CSMD1: variants seen among roughly 807,000 people sequenced by gnomAD.
CSMD1 encodes the protein CUB and Sushi multiple domains 1.
Under a neutral mutation model 417.5 loss-of-function variants are expected in CSMD1, and 213 were observed. That is an observed-to-expected ratio of 0.51 (90% CI 0.46 to 0.57). CSMD1 has a LOEUF of 0.57. CSMD1 is among the 20% of genes least tolerant of loss of function. The pLI is 0.00. For synonymous variants in CSMD1, 2,862 were observed against 1,736.8 expected, an observed-to-expected ratio of 1.65 and a Z score of -16.11; for missense variants, 6,923 against 4,529.7, an observed-to-expected ratio of 1.53 and a Z score of -15.17.
At position 4,149,657 on chromosome 8, in the gene CSMD1, G is replaced by C. The variant is rs950387213; in HGVS notation, c.416-117558C>G. Among the ~76,000 whole-genome samples the C allele has an allele frequency of 3.3e-5, 5 of 152,172 alleles. No homozygotes were observed. The South Asian group carries it at 8.3e-4, about 25-fold the overall frequency. On this transcript the variant is annotated intron_variant, in intron 3 of 69. Coordinates refer to ENST00000635120, the MANE Select transcript of CSMD1 (RefSeq NM_033225.6). ...CCTAGCTCAACACCTACAGAATGGA[G>C]GATGCTAAGTGCTACACTGAAGGAA...
At chr8:4,369,780 G>T (rs1161215747) in intron 3 of CSMD1, among the ~76,000 whole-genome samples, 1 of 152,046 alleles carries the variant, frequency 6.6e-6, no homozygotes, top group Non-Finnish European at 1.5e-5. Context: ...TTTTCTGTTT[G>T]CCTGATAGAT....
intron 50 of CSMD1, among the ~76,000 whole-genome samples, chr8:3,047,051 T>C (rs1563276711): frequency 1.3e-5 from 2 of 151,756 alleles, no homozygotes; most frequent in African/African-American, 2.4e-5. Flanking sequence ...CTTCTAAAAA[T>C]ACAAAAATTA....
At chr8:4,923,868 T>C (rs1404285348) in intron 1 of CSMD1, among the ~76,000 whole-genome samples, 1 of 152,182 alleles carries the variant, frequency 6.6e-6, no homozygotes, top group Non-Finnish European at 1.5e-5. Context: ...GCCCACAAAC[T>C]ATAGGCAGTA....
At chr8:3,958,897 G>T (rs143839286) in intron 5 of CSMD1, among the ~76,000 whole-genome samples, 288 of 152,306 alleles carry the variant, frequency 1.9e-3, no homozygotes, top group African/African-American at 6.6e-3. Flanking sequence ...TTCAGTGAAC[G>T]TGACAATTCT....
At chr8:3,972,790 G>A (rs1001310000) in intron 5 of CSMD1, among the ~76,000 whole-genome samples, 5 of 152,124 alleles carry the variant, frequency 3.3e-5, no homozygotes, top group African/African-American at 7.2e-5. Flanking sequence ...CACATTTTAG[G>A]AATCTATTTT....
intron 5 of CSMD1, among the ~76,000 whole-genome samples, chr8:3,883,494 C>T (rs1016023384): frequency 6.6e-6 from 1 of 151,878 alleles, no homozygotes; most frequent in Admixed American, 6.6e-5. Context: ...ACAAATATAC[C>T]TTTTCACTGC....
At chr8:3,205,222 G>A (rs1014973163) in intron 31 of CSMD1, among the ~76,000 whole-genome samples, 6 of 152,158 alleles carry the variant, frequency 3.9e-5, no homozygotes, top group African/African-American at 1.4e-4. Context: ...CCAACTGAAA[G>A]AACTATGTTT....
intron 2 of CSMD1, among the ~76,000 whole-genome samples, chr8:4,485,351 G>C (rs1585151103): frequency 6.6e-6 from 1 of 152,036 alleles, no homozygotes; most frequent in Non-Finnish European, 1.5e-5. Context: ...CTTCATTTTT[G>C]TCTTTCACTT....
At chr8:4,332,811 G>GT (rs1422433420) in intron 3 of CSMD1, among the ~76,000 whole-genome samples, 3 of 152,012 alleles carry the variant, frequency 2.0e-5, no homozygotes, top group Non-Finnish European at 2.9e-5. Context: ...GACAGGAGAA[G>GT]TTTTCAGGGA....
chr8:3,972,312 A>G (rs571475171), intron 5 of CSMD1, among the ~76,000 whole-genome samples: 1 of 152,346 alleles, frequency 6.6e-6, no homozygotes, highest in East Asian at 1.9e-4. Flanking sequence ...AATGTTAGAA[A>G]TCCAGTTTTC....
chr8:3,939,887 T>A (rs898030623), intron 5 of CSMD1, among the ~76,000 whole-genome samples: 1 of 152,002 alleles, frequency 6.6e-6, no homozygotes, highest in Admixed American at 6.6e-5. Flanking sequence ...GGTGAGGGAA[T>A]GAAAGACTAC....
chr8:3,261,427 G>T (rs1482016028), intron 26 of CSMD1, among the ~76,000 whole-genome samples: 1 of 152,182 alleles, frequency 6.6e-6, no homozygotes, highest in Admixed American at 6.5e-5. Context: ...CGGCTTGGGT[G>T]ATGGGTGCGC....
intron 3 of CSMD1, among the ~76,000 whole-genome samples, chr8:4,330,232 AT>A (rs1414260874): frequency 6.6e-6 from 1 of 152,082 alleles, no homozygotes; most frequent in African/African-American, 2.4e-5. Flanking sequence ...CACCTGTCAG[AT>A]CCACCCGTCA....
chr8:3,313,456 T>A (rs897722405), intron 23 of CSMD1, among the ~76,000 whole-genome samples: 1 of 152,140 alleles, frequency 6.6e-6, no homozygotes, highest in Non-Finnish European at 1.5e-5. Flanking sequence ...GTGAAGGATG[T>A]GAACAGACAC....
chr8:3,240,259 G>A (rs1799411899), intron 26 of CSMD1, among the ~76,000 whole-genome samples: 1 of 152,076 alleles, frequency 6.6e-6, no homozygotes, highest in Non-Finnish European at 1.5e-5. Flanking sequence ...CTAGGATGGG[G>A]GCAGTCTCTA....
chr8:3,354,335 A>G (rs4579550), intron 21 of CSMD1, among the ~76,000 whole-genome samples: 69,141 of 151,956 alleles, frequency 0.46, 15,925 homozygotes, highest in Admixed American at 0.52. Flanking sequence ...ATTAAAATGT[A>G]GAAATTGTTG....
chr8:3,116,310 A>G (rs934795409), intron 42 of CSMD1, among the ~76,000 whole-genome samples: 8 of 152,204 alleles, frequency 5.3e-5, no homozygotes, highest in Non-Finnish European at 1.0e-4. Flanking sequence ...TGGTAAAAAT[A>G]GAAATATAAT....
intron 3 of CSMD1, among the ~76,000 whole-genome samples, chr8:4,395,315 C>T (rs1447215437): frequency 6.6e-6 from 1 of 152,168 alleles, no homozygotes; most frequent in Admixed American, 6.5e-5. Context: ...AACTTCAGCC[C>T]CTTCGCTATT....
intron 1 of CSMD1, among the ~76,000 whole-genome samples, chr8:4,804,450 C>T (rs1055488141): frequency 3.7e-4 from 56 of 149,874 alleles, no homozygotes; most frequent in African/African-American, 1.2e-3. Flanking sequence ...ATACAGACTT[C>T]GGTGTAGATT....
Sources: allele counts gnomAD v4.1 joint callset (sites outside exome capture counted in the v4.1 genomes callset), GRCh38; gene constraint gnomAD v4.1.1; transcripts MANE v1.5; gene names NCBI Gene and HGNC (gene_info 2026-07-23, HGNC 2026-07-21).